Variants in H2BC5 observed in about 807,000 individuals in gnomAD.
The protein encoded by H2BC5 is histone H2B type 1-D.
In H2BC5, 9 loss-of-function variants were observed where a neutral mutation model predicts 5.7. That is an observed-to-expected ratio of 1.57 (90% CI 0.95 to 2.74). The LOEUF (loss-of-function observed/expected upper bound fraction) is 2.74, where lower values mean the gene tolerates loss of function less well. Among genes scored for constraint, H2BC5 ranks in the 30% most tolerant of loss-of-function variants. H2BC5 has a pLI of 0.00. For missense variants in H2BC5, 175 were observed against 168.8 expected, an observed-to-expected ratio of 1.04 and a Z score of -0.20; for synonymous variants, 133 against 70.9, an observed-to-expected ratio of 1.88 and a Z score of -4.40.
downstream of H2BC5, among the ~76,000 whole-genome samples, chr6:26,159,364 G>T (rs539484973): frequency 1.5e-4 from 21 of 143,206 alleles, no homozygotes; most frequent in South Asian, 4.2e-3. Flanking sequence ...AATAGTTATC[G>T]CAGGACTGAA....
chr6:26,164,164 CTCAGTGG>C (rs1764387910), intron 1 of H2BC5: 1 of 455,722 alleles, frequency 2.2e-6, no homozygotes, highest in Non-Finnish European at 4.4e-6. Context: ...ACAAGCAACA[CTCAGTGG>C]TAGCAGGAGG....
chr6:26,158,289 G>A lies in H2BC5; in HGVS notation c.120G>A (p.Val40=), dbSNP rs1470940800. Residue 40 remains valine (V), a synonymous_variant, in exon 1 of 1, where the codon GTG becomes GTA. Transcript: ENST00000377777. ...RKRSRKESYS[V]YVYKVLKQVH... Reference sequence around the variant, plus strand: ...GCAGCCGCAAGGAGAGCTATTCAGTGTATGTGTACAAGGTGCTGAAGCAGG... The same window carrying A: ...GCAGCCGCAAGGAGAGCTATTCAGTATATGTGTACAAGGTGCTGAAGCAGG... The A allele has an allele frequency of 1.9e-6, 3 of 1,614,270 alleles. No individual in the cohort carries two copies. The highest frequency in any genetic ancestry group is 2.2e-5 in the South Asian group (2 of 91,088).
intron 1 of H2BC5, chr6:26,163,987 G>C (rs577333151): frequency 3.0e-6 from 1 of 328,678 alleles, no homozygotes; most frequent in East Asian, 8.6e-5. Flanking sequence ...CACATACCCA[G>C]AAGTAGAATT....
At chr6:26,162,454 G>A (rs535680475), downstream of H2BC5, among the ~76,000 whole-genome samples, 13 of 152,164 alleles carry the variant, frequency 8.5e-5, no homozygotes, top group Non-Finnish European at 1.8e-4. Flanking sequence ...TGACTTCGGT[G>A]GTTGATGATT....
At chr6:26,161,153 A>C (rs1764345929), downstream of H2BC5, 2 of 152,334 alleles carry the variant, frequency 1.3e-5, no homozygotes, top group South Asian at 4.1e-4. Flanking sequence ...GGTTGCATTG[A>C]GCCAAGATCA....
chr6:26,158,591 C>CTT lies in H2BC5; in HGVS notation c.*44_*45dup. ...ATCTTTACACCTAATCCCAAAGGCT[C>CTT]TTTTAAGAGCCACGCATGTTTTCAA... On this transcript the variant is annotated 3_prime_UTR_variant, in exon 1 of 1. Transcript: ENST00000377777. 6.3e-7 allele frequency: 1 copy of CTT among 1,598,370 alleles called. No homozygotes were observed. Among genetic ancestry groups the CTT allele is most frequent in the South Asian group, 1.1e-5 (1 of 89,206 alleles).
downstream of H2BC5, chr6:26,158,790 A>C (rs1245542779): frequency 1.6e-6 from 1 of 644,126 alleles, no homozygotes; most frequent in East Asian, 2.9e-5. Context: ...TAGCTCATTT[A>C]GTATCACATA....
intron 1 of H2BC5, among the ~76,000 whole-genome samples, chr6:26,166,498 T>A (rs903218782): frequency 6.6e-6 from 1 of 152,094 alleles, no homozygotes. Flanking sequence ...TTTCCTATGC[T>A]GCTTCTGGGG....
chr6:26,164,400 C>T, intron 1 of H2BC5: 1 of 219,142 alleles, frequency 4.6e-6, no homozygotes, highest in Non-Finnish European at 1.0e-5. Flanking sequence ...AAGTGCATGG[C>T]CATGCCCAGT....
downstream of H2BC5, among the ~76,000 whole-genome samples, chr6:26,161,641 G>T (rs1764352494): frequency 6.6e-6 from 1 of 151,914 alleles, no homozygotes; most frequent in South Asian, 2.1e-4. Flanking sequence ...GCATGGTGGT[G>T]CGTGCTTGTG....
downstream of H2BC5, chr6:26,160,839 AC>A (rs1210088658): frequency 7.7e-5 from 11 of 142,436 alleles, no homozygotes; most frequent in Admixed American, 8.1e-4. Flanking sequence ...ACTGCACTCC[AC>A]CCTGGGCCAC....
chr6:26,164,844 TCATCAC>T (rs1477516475), intron 1 of H2BC5, among the ~76,000 whole-genome samples: 1 of 151,984 alleles, frequency 6.6e-6, no homozygotes, highest in East Asian at 1.9e-4. Context: ...GTAGGGTTTA[TCATCAC>T]CATGTTCTCT....
chr6:26,159,136 G>T (rs1385877257), downstream of H2BC5, among the ~76,000 whole-genome samples: 1 of 152,042 alleles, frequency 6.6e-6, no homozygotes, highest in Non-Finnish European at 1.5e-5. Context: ...GTGGGGCAGG[G>T]AAAGGCGGAT....
At chr6:26,164,449 T>C (rs1193798474) in intron 1 of H2BC5, 2 of 185,870 alleles carry the variant, frequency 1.1e-5, no homozygotes, top group Non-Finnish European at 2.4e-5. Flanking sequence ...CCTGGAGTTA[T>C]TAGGATGGGC....
downstream of H2BC5, among the ~76,000 whole-genome samples, chr6:26,160,542 A>G (rs1581433360): frequency 6.7e-6 from 1 of 149,264 alleles, no homozygotes; most frequent in Admixed American, 6.7e-5. Context: ...AAAAAGCAAC[A>G]GACAATGGAA....
Position 26,158,560 on chromosome 6 carries a change from G to A in H2BC5, c.*10G>A. 1.9e-6 allele frequency: 3 copies of A among 1,614,048 alleles called. No individual in the cohort carries two copies. Among genetic ancestry groups the A allele is most frequent in the Non-Finnish European group, 8.5e-7 (1 of 1,179,968 alleles). On this transcript the variant is annotated 3_prime_UTR_variant, in exon 1 of 1. Transcript: ENST00000377777. The stretch of plus-strand genomic sequence containing the variant: ...CACCAGTTCCAAGTAACTTTGCCAA[G>A]TAAGCATCTTTACACCTAATCCCAA...
intron 1 of H2BC5, among the ~76,000 whole-genome samples, chr6:26,166,058 T>G (rs1168547890): frequency 6.6e-6 from 1 of 152,192 alleles, no homozygotes. Context: ...TTGTTCACTC[T>G]CAGTGGGATC....
intron 1 of H2BC5, among the ~76,000 whole-genome samples, chr6:26,165,367 T>G (rs936248837): frequency 6.6e-6 from 1 of 152,078 alleles, no homozygotes; most frequent in African/African-American, 2.4e-5. Flanking sequence ...GTGGCTTGGA[T>G]CAGAACCATG....
rs759116134 is a variant in H2BC5 at position 26,158,250 on chromosome 6, G to A, written c.81G>A (p.Gly27=). Residue 27 remains glycine (G), a synonymous_variant, in exon 1 of 1, where the codon GGG becomes GGA. Coordinates refer to ENST00000377777, the MANE Select transcript of H2BC5 (RefSeq NM_021063.4). ...KAVTKAQKKD[G]KKRKRSRKES... Reference sequence around the variant, plus strand: ...TGACTAAGGCTCAGAAGAAGGACGGGAAGAAGCGCAAGCGCAGCCGCAAGG... The same window carrying A: ...TGACTAAGGCTCAGAAGAAGGACGGAAAGAAGCGCAAGCGCAGCCGCAAGG... The A allele has an allele frequency of 2.5e-6, 4 of 1,614,132 alleles. No homozygotes were observed. The highest frequency in any genetic ancestry group is 2.2e-5 in the South Asian group (2 of 91,094).
Sources: gnomAD v4.1 joint callset for allele counts (sites outside exome capture counted in the v4.1 genomes callset) on GRCh38, gnomAD v4.1.1 for gene constraint, MANE v1.5 for transcripts, NCBI Gene and HGNC (gene_info 2026-07-23, HGNC 2026-07-21) for gene names.